The following NRP2 variants were observed in gnomAD, a reference collection of about 807,000 sequenced individuals.
The protein encoded by NRP2 is neuropilin-2.
A neutral mutation model predicts 110.4 loss-of-function variants in NRP2; 52 were observed. The observed-to-expected ratio is 0.47, with a 90% confidence interval of 0.38 to 0.59. The LOEUF (loss-of-function observed/expected upper bound fraction) is 0.59. Ranked by LOEUF, NRP2 falls within the 20% of genes least tolerant of loss-of-function variation. The pLI is 0.00. For synonymous variants in NRP2, 508 were observed against 468.9 expected, an observed-to-expected ratio of 1.08 and a Z score of -1.08; for missense variants, 1,049 against 1,203.0, an observed-to-expected ratio of 0.87 and a Z score of 1.89.
In NRP2 at chr2:205,792,267, T is replaced by C. The variant is rs2058309754; in HGVS notation, c.2458T>C (p.Tyr820His). 5.0e-6 allele frequency: 8 copies of C among 1,601,640 alleles called. No homozygotes were observed. Among genetic ancestry groups the C allele is most frequent in the Non-Finnish European group, 6.0e-6 (7 of 1,168,710 alleles). Residue 820 changes from tyrosine to histidine, a missense_variant, in exon 16 of 17, where the codon TAT (tyrosine) becomes CAT (histidine). By Grantham distance (83) the Tyr-to-His change is moderately conservative (BLOSUM62 2). Coordinates refer to ENST00000357785, the MANE Select transcript of NRP2 (RefSeq NM_003872.3). The stretch of plus-strand genomic sequence containing the variant: ...CCCAGAAATACATGAGAGAGAAGGA[T>C]ATGAAGATGAAATTGATGGTGAGTA... ...DIPEIHEREG[Y>H]EDEIDDEYEV...
intron 2 of NRP2, among the ~76,000 whole-genome samples, chr2:205,715,284 A>G (rs1188172164): frequency 6.6e-6 from 1 of 152,090 alleles, no homozygotes; most frequent in Non-Finnish European, 1.5e-5. Flanking sequence ...GCACCTTCCC[A>G]TGAACGGAGC....
intron 15 of NRP2, among the ~76,000 whole-genome samples, chr2:205,781,550 G>GAA (rs1393976124): frequency 3.3e-5 from 5 of 152,214 alleles, no homozygotes; most frequent in African/African-American, 1.2e-4. Context: ...GCACAAACGT[G>GAA]TGGCCTTTCT....
At chr2:205,722,320 G>A (rs750383718) in intron 3 of NRP2, 158 bp from the exon 4 acceptor site, 18 of 688,238 alleles carry the variant, frequency 2.6e-5, no homozygotes, top group Admixed American at 4.2e-5. Context: ...GGCTTGAAAC[G>A]TGCATGTGAA....
Position 205,702,802 on chromosome 2 carries a change from C to T in NRP2, c.251+5081C>T, listed in dbSNP as rs149956145. 1.3e-3 allele frequency among the ~76,000 whole-genome samples: 204 copies of T among 152,348 alleles called. 1 individual carries two copies. The highest frequency in any genetic ancestry group is 3.4e-3 in the Middle Eastern group (1 of 294). On this transcript the variant is annotated intron_variant, in intron 2 of 16. Coordinates refer to ENST00000357785, the MANE Select transcript of NRP2 (RefSeq NM_003872.3). The stretch of plus-strand genomic sequence containing the variant: ...CTGCAAACAACCAAGCATAGTCTTG[C>T]ATCTGCATGAGCCCCCTGAGTTCCC...
intron 12 of NRP2, among the ~76,000 whole-genome samples, chr2:205,754,598 C>T (rs778527236): frequency 6.6e-6 from 1 of 152,126 alleles, no homozygotes; most frequent in South Asian, 2.1e-4. Flanking sequence ...GCCTCCTGCA[C>T]GTTGGGAAAA....
rs1305361820 is a variant in NRP2 at position 205,796,494 on chromosome 2, G to GA, written c.*1442dup. 2 of 152,436 alleles carry GA rather than the reference G, an allele frequency of 1.3e-5. No homozygotes were observed. The highest frequency in any genetic ancestry group is 2.9e-5 in the Non-Finnish European group (2 of 68,010). The allele number at this position is 152,436 out of a possible 1,614,324, so 9.4% of individuals were successfully genotyped here. A position where few individuals can be genotyped will look rare whatever the true frequency, so the allele number is the denominator to read the frequency against. ...AATTTATGTTTTTATTAAGTGCCTTGAAAAAATGAAGAAAAATGTATTTTC... is the reference window on the plus strand; with the variant it reads ...AATTTATGTTTTTATTAAGTGCCTTGAAAAAAATGAAGAAAAATGTATTTTC... On this transcript the variant is annotated 3_prime_UTR_variant, in exon 17 of 17. Coordinates refer to ENST00000357785, the MANE Select transcript of NRP2 (RefSeq NM_003872.3).
intron 2 of NRP2, among the ~76,000 whole-genome samples, chr2:205,713,635 T>C (rs557808469): frequency 3.0e-4 from 46 of 152,338 alleles, no homozygotes; most frequent in African/African-American, 1.1e-3. Context: ...TTTAAAAAGT[T>C]AACAGTATAG....
chr2:205,729,600 C>T (rs1474664704), intron 7 of NRP2, among the ~76,000 whole-genome samples: 7 of 152,174 alleles, frequency 4.6e-5, no homozygotes. Flanking sequence ...TCTCCCTGTC[C>T]AGGCGCAATG....
At chr2:205,723,635 A>C in intron 4 of NRP2, 150 bp from the exon 5 acceptor site, 1 of 804,396 alleles carries the variant, frequency 1.2e-6, no homozygotes, top group Non-Finnish European at 2.1e-6. Context: ...AATATTAGCC[A>C]TTGTTCTTGA....
At chr2:205,754,182 G>A (rs1033242492) in intron 12 of NRP2, among the ~76,000 whole-genome samples, 2 of 152,074 alleles carry the variant, frequency 1.3e-5, no homozygotes, top group Admixed American at 6.5e-5. Flanking sequence ...GGTGAATTCC[G>A]GAAATTTAGT....
In NRP2 at chr2:205,795,236, A is replaced by G; in HGVS notation, c.*178A>G. On this transcript the variant is annotated 3_prime_UTR_variant, in exon 17 of 17. Transcript: ENST00000357785. ...AGGAGGAAGGGAGATGCAGCCGCAC[A>G]GGGGATGATTACCCTCCTAGGACCG... is the stretch of plus-strand genomic sequence containing the variant. 2 of 704,348 alleles carry G rather than the reference A, an allele frequency of 2.8e-6. No homozygotes were observed. The highest frequency in any genetic ancestry group is 4.9e-6 in the Non-Finnish European group (2 of 405,866). 43.6% of individuals were successfully genotyped at this position (704,348 alleles called of 1,614,324 possible). A position where few individuals can be genotyped will look rare whatever the true frequency, so the allele number is the denominator to read the frequency against.
In NRP2 at chr2:205,701,201, AC is replaced by A. The variant is rs1382371534; in HGVS notation, c.251+3484del. The A allele has an allele frequency of 2.6e-5, 4 of 152,718 alleles. No individual in the cohort carries two copies. In the East Asian group the frequency reaches 7.7e-4, roughly 29 times the overall value. The allele number at this position is 152,718 out of a possible 1,614,324, so 9.5% of individuals were successfully genotyped here. A position where few individuals can be genotyped will look rare whatever the true frequency, so the allele number is the denominator to read the frequency against. On this transcript the variant is annotated intron_variant, in intron 2 of 16. Coordinates refer to ENST00000357785, the MANE Select transcript of NRP2 (RefSeq NM_003872.3). ...GAGTTCTCAAACAGCCCCAGCACCCACCCCATCCCAGAGGCTCAACCAAATA... is the reference window on the plus strand; with the variant it reads ...GAGTTCTCAAACAGCCCCAGCACCCACCCATCCCAGAGGCTCAACCAAATA...
intron 10 of NRP2, among the ~76,000 whole-genome samples, chr2:205,748,071 G>A (rs849561): frequency 3.3e-5 from 5 of 151,606 alleles, no homozygotes; most frequent in African/African-American, 1.2e-4. Flanking sequence ...CCGAGGCCTC[G>A]GTGCCCGCCG....
rs551178528 is a variant in NRP2 at position 205,782,675 on chromosome 2, C to G, written c.2426-9560C>G. ...ATTTGGTTTTGTGTAAATGGTAGCA[C>G]AGTGTTTGCTTACTATATTGGATGA... On this transcript the variant is annotated intron_variant, in intron 15 of 16. Coordinates refer to ENST00000357785, the MANE Select transcript of NRP2 (RefSeq NM_003872.3). Among the ~76,000 whole-genome samples the G allele has an allele frequency of 3.3e-5, 5 of 152,274 alleles. No homozygotes were observed. The South Asian group carries it at 1.0e-3, about 32-fold the overall frequency.
At position 205,716,292 on chromosome 2, in the gene NRP2, C is replaced by T; in HGVS notation, c.351C>T (p.Gly117=). 6.2e-7 allele frequency: 1 copy of T among 1,614,206 alleles called. No individual in the cohort carries two copies. Among genetic ancestry groups the T allele is most frequent in the East Asian group, 2.2e-5 (1 of 44,878 alleles). Residue 117 remains glycine (G), a synonymous_variant, in exon 3 of 17, where the codon GGC becomes GGT. Coordinates refer to ENST00000357785, the MANE Select transcript of NRP2 (RefSeq NM_003872.3). ...CCCCGCCCACCATCATCTCCTCGGGCTCCATGCTCTACATCAAGTTCACCT... is the reference window on the plus strand; with the variant it reads ...CCCCGCCCACCATCATCTCCTCGGGTTCCATGCTCTACATCAAGTTCACCT... The part of the protein sequence containing the change: ...NIAPPTIISS[G]SMLYIKFTSD...
chr2:205,743,627 G>A, intron 9 of NRP2, 75 bp downstream of exon 9: 1 of 1,567,126 alleles, frequency 6.4e-7, no homozygotes, highest in African/African-American at 1.4e-5. Context: ...AGTTGAGACT[G>A]ATGATGTCCC....
Position 205,714,147 on chromosome 2 carries a change from G to C in NRP2, c.252-2046G>C, listed in dbSNP as rs780889617. 1.1e-4 allele frequency among the ~76,000 whole-genome samples: 17 copies of C among 152,164 alleles called. 1 individual carries two copies. Among genetic ancestry groups the C allele is most frequent in the Admixed American group, 3.3e-4 (5 of 15,268 alleles). ...AGACTATGGACTAACACTTTAGATA[G>C]ATTAGATTTTGTCATTTAAGTCCCA... On this transcript the variant is annotated intron_variant, in intron 2 of 16. Transcript: ENST00000357785.
intron 15 of NRP2, among the ~76,000 whole-genome samples, chr2:205,769,501 T>TATATACACAC (rs1553597961): frequency 1.8e-5 from 1 of 54,106 alleles, no homozygotes; most frequent in Non-Finnish European, 3.9e-5. Context: ...TGTATATACA[T>TATATACACAC]ACATACACAC....
In NRP2 at chr2:205,683,375, A is replaced by G; in HGVS notation, c.73+12A>G. 3 of 1,604,838 alleles carry G rather than the reference A, an allele frequency of 1.9e-6. No individual in the cohort carries two copies. Among genetic ancestry groups the G allele is most frequent in the Non-Finnish European group, 2.6e-6 (3 of 1,171,600 alleles). On this transcript the variant is annotated intron_variant, in intron 1 of 16. Coordinates refer to ENST00000357785, the MANE Select transcript of NRP2 (RefSeq NM_003872.3). ...GAGAGGCCAACCAGGTAAGCCACTG[A>G]AAGTTTTTCTATTTATTGCAACATG...
Sources: gnomAD v4.1 joint callset for allele counts (sites outside exome capture counted in the v4.1 genomes callset) on GRCh38, gnomAD v4.1.1 for gene constraint, MANE v1.5 for transcripts, NCBI Gene and HGNC (gene_info 2026-07-23, HGNC 2026-07-21) for gene names.